Variants in POC1B observed in about 807,000 individuals in gnomAD.
POC1B encodes POC1 centriolar protein B.
In POC1B, 44 loss-of-function variants were observed where a neutral mutation model predicts 60.6. That is an observed-to-expected ratio of 0.73 (90% confidence interval 0.57 to 0.93). The LOEUF (loss-of-function observed/expected upper bound fraction) is 0.93, where lower values mean the gene tolerates loss of function less well. POC1B is among the 40% of genes least tolerant of loss of function. The pLI, the probability that POC1B is intolerant of heterozygous loss-of-function variation, is 0.00. For synonymous variants in POC1B, 180 were observed against 198.9 expected (o/e 0.90, Z 0.80); for missense variants, 555 against 572.3 (o/e 0.97, Z 0.31).
intron 10 of POC1B, among the ~76,000 whole-genome samples, chr12:89,440,049 T>C (rs1881445938): frequency 6.6e-6 from 1 of 152,210 alleles, no homozygotes; most frequent in Admixed American, 6.5e-5. Flanking sequence ...ATAACCCACA[T>C]GCATCCCCCA....
chr12:89,510,816 G>A (rs1049627986), intron 2 of POC1B, among the ~76,000 whole-genome samples: 9 of 139,926 alleles, frequency 6.4e-5, no homozygotes, highest in Non-Finnish European at 1.1e-4. Context: ...AGAATACAGT[G>A]GCACAATCTC....
At chr12:89,457,799 G>C (rs58336572) in intron 10 of POC1B, among the ~76,000 whole-genome samples, 1 of 152,108 alleles carries the variant, frequency 6.6e-6, no homozygotes, top group East Asian at 1.9e-4. Context: ...TTATTATTCT[G>C]TTTTGTAGCA....
chr12:89,427,106 A>G (rs1880798797), intron 10 of POC1B: 1 of 152,220 alleles, frequency 6.6e-6, no homozygotes, highest in Admixed American at 6.5e-5. Context: ...ATATTGATGA[A>G]AAAAATGTGA....
At chr12:89,426,059 A>C (rs1362468846) in intron 10 of POC1B, 1 of 152,256 alleles carries the variant, frequency 6.6e-6, no homozygotes. Context: ...TTCAGCCATA[A>C]AAAGGAATGG....
At chr12:89,466,347 C>T (rs1281508761) in intron 9 of POC1B, among the ~76,000 whole-genome samples, 31 of 152,144 alleles carry the variant, frequency 2.0e-4, no homozygotes, top group Non-Finnish European at 8.8e-5. Flanking sequence ...TAATCACTAA[C>T]TCTCTTCTTT....
chr12:89,414,010 G>A, the POC1B span, among the ~76,000 whole-genome samples: 12 of 152,214 alleles, frequency 7.9e-5, no homozygotes, highest in South Asian at 2.1e-4. Flanking sequence ...TCCTGCCTGA[G>A]CCTCCCAGGT....
intron 10 of POC1B, among the ~76,000 whole-genome samples, chr12:89,430,832 T>C (rs1039261078): frequency 2.6e-5 from 4 of 152,196 alleles, no homozygotes; most frequent in African/African-American, 4.8e-5. Context: ...TTGGTTGAAC[T>C]GAATTTAATG....
intron 2 of POC1B, chr12:89,502,505 A>G (rs1869625283): frequency 2.8e-6 from 3 of 1,068,668 alleles, no homozygotes; most frequent in Admixed American, 2.0e-5. Flanking sequence ...TAAGAAAAGG[A>G]TCTGTCTTGA....
intron 10 of POC1B, among the ~76,000 whole-genome samples, chr12:89,432,551 G>C (rs1313858137): frequency 4.6e-5 from 7 of 152,084 alleles, no homozygotes. Flanking sequence ...AAGAGGCCCT[G>C]CTATCATGGT....
chr12:89,483,746 A>C (rs1868477813), intron 4 of POC1B, among the ~76,000 whole-genome samples: 1 of 152,208 alleles, frequency 6.6e-6, no homozygotes, highest in Non-Finnish European at 1.5e-5. Context: ...TATCCTTTAC[A>C]AAGGATAAAC....
chr12:89,525,678 C>T (rs1365288209), intron 1 of POC1B: 4 of 1,245,444 alleles, frequency 3.2e-6, no homozygotes, highest in Non-Finnish European at 4.1e-6. Context: ...GAAGAGCGTC[C>T]GGGAGCCGGG....
intron 9 of POC1B, 127 bp downstream of exon 9, chr12:89,466,643 T>A (rs549717516): frequency 6.2e-5 from 54 of 867,778 alleles, no homozygotes; most frequent in Non-Finnish European, 9.3e-5. Context: ...AACAACTGTT[T>A]ATCAAAGTGC....
chr12:89,447,536 T>C (rs1318205202), intron 10 of POC1B, among the ~76,000 whole-genome samples: 3 of 152,154 alleles, frequency 2.0e-5, no homozygotes, highest in African/African-American at 7.2e-5. Flanking sequence ...TTCCAAAGCA[T>C]ACAATTGTTT....
chr12:89,410,678 C>CAAA, the POC1B span, among the ~76,000 whole-genome samples: 76 of 134,876 alleles, frequency 5.6e-4, no homozygotes, highest in East Asian at 8.4e-3. Flanking sequence ...GACTCCGTCT[C>CAAA]AAAAAAAAAA....
At chr12:89,498,162 T>C (rs1480167543) in intron 2 of POC1B, among the ~76,000 whole-genome samples, 1 of 152,222 alleles carries the variant, frequency 6.6e-6, no homozygotes, top group Non-Finnish European at 1.5e-5. Context: ...TATAGCTGGA[T>C]AAGATGATTT....
At chr12:89,513,132 T>C (rs1478234290) in intron 2 of POC1B, among the ~76,000 whole-genome samples, 1 of 152,114 alleles carries the variant, frequency 6.6e-6, no homozygotes, top group African/African-American at 2.4e-5. Flanking sequence ...TACCTCTCAG[T>C]GTATACACTA....
chr12:89,475,910 C>CTTTT (rs972058107), intron 4 of POC1B, among the ~76,000 whole-genome samples: 1,850 of 86,066 alleles, frequency 0.021, 143 homozygotes, highest in African/African-American at 0.075. Flanking sequence ...TGAGGGAATT[C>CTTTT]TTTTTTTTTT....
chr12:89,439,900 C>T (rs1311267305), intron 10 of POC1B, among the ~76,000 whole-genome samples: 5 of 152,160 alleles, frequency 3.3e-5, no homozygotes, highest in African/African-American at 1.2e-4. Flanking sequence ...CCACTGTGCC[C>T]GGCCTTGAGT....
At chr12:89,476,767 C>T (rs79293585) in intron 4 of POC1B, among the ~76,000 whole-genome samples, 1,320 of 122,586 alleles carry the variant, frequency 0.011, 21 homozygotes, top group African/African-American at 0.038. Flanking sequence ...GATAGACAGA[C>T]AGACAGACAG....
Sources: gnomAD v4.1 joint callset for allele counts (sites outside exome capture counted in the v4.1 genomes callset) on GRCh38, gnomAD v4.1.1 for gene constraint, MANE v1.5 for transcripts, NCBI Gene and HGNC (gene_info 2026-07-23, HGNC 2026-07-21) for gene names.